DNM3: variants seen among roughly 807,000 people sequenced by gnomAD.
DNM3 encodes the protein dynamin-3.
DNM3 carries 47 observed loss-of-function variants against 101.6 expected under a neutral mutation model. The ratio of observed to expected loss-of-function variants is 0.46; its 90% CI spans 0.37 to 0.59. The LOEUF is 0.59. Ranked by LOEUF, DNM3 falls within the 20% of genes least tolerant of loss-of-function variation. The pLI is 0.00. For synonymous variants in DNM3, 385 were observed against 387.9 expected, an observed-to-expected ratio of 0.99 and a Z score of 0.09; for missense variants, 849 against 1,085.7, an observed-to-expected ratio of 0.78 and a Z score of 3.06.
At chr1:172,209,411 C>A (rs1204890350) in intron 14 of DNM3, among the ~76,000 whole-genome samples, 1 of 151,762 alleles carries the variant, frequency 6.6e-6, no homozygotes, top group Admixed American at 6.6e-5. Context: ...AATACAGGCA[C>A]CAAGGGTGAA....
intron 4 of DNM3, among the ~76,000 whole-genome samples, chr1:172,030,051 A>G (rs998175002): frequency 6.6e-6 from 1 of 152,208 alleles, no homozygotes; most frequent in Non-Finnish European, 1.5e-5. Context: ...AATTAGAAAA[A>G]ACTACTTTAA....
intron 20 of DNM3, among the ~76,000 whole-genome samples, chr1:172,394,714 C>T (rs1434887572): frequency 6.6e-6 from 1 of 152,150 alleles, no homozygotes; most frequent in African/African-American, 2.4e-5. Flanking sequence ...TAGAGGAAAA[C>T]AGCCAAGACA....
chr1:172,274,067 G>C (rs951737004), intron 15 of DNM3, among the ~76,000 whole-genome samples: 1 of 152,008 alleles, frequency 6.6e-6, no homozygotes, highest in African/African-American at 2.4e-5. Context: ...CCTACACACT[G>C]TCGTAAAGCA....
At chr1:172,323,218 ATT>A in intron 16 of DNM3, 109 bp from the exon 17 acceptor site, 2 of 1,204,088 alleles carry the variant, frequency 1.7e-6, no homozygotes, top group Non-Finnish European at 2.3e-6. Flanking sequence ...GAAAAACCTC[ATT>A]TTATTTTTTT....
chr1:172,276,442 A>G (rs923753450), intron 15 of DNM3, among the ~76,000 whole-genome samples: 1 of 151,990 alleles, frequency 6.6e-6, no homozygotes, highest in Non-Finnish European at 1.5e-5. Flanking sequence ...GAAATGCATT[A>G]TTAAGGATTA....
Position 172,029,591 on chromosome 1 carries a change from A to G in DNM3, c.590-2811A>G, listed in dbSNP as rs147071737. Among the ~76,000 whole-genome samples the G allele has an allele frequency of 2.0e-3, 306 of 152,328 alleles. 2 individuals carry two copies. Among genetic ancestry groups the G allele is most frequent in the African/African-American group, 6.8e-3 (281 of 41,580 alleles). On this transcript the variant is annotated intron_variant, in intron 4 of 20. Coordinates refer to ENST00000627582, the MANE Select transcript of DNM3 (RefSeq NM_015569.5). ...CAAGAGAAAGAAATAAAGCGTATTT[A>G]AATAGGAAGAGAGGAAGTGAAATTA...
chr1:172,111,632 A>G (rs772221334), intron 13 of DNM3, among the ~76,000 whole-genome samples: 6 of 152,220 alleles, frequency 3.9e-5, no homozygotes, highest in Non-Finnish European at 7.3e-5. Flanking sequence ...GCTTTGAACG[A>G]ATAAGCTGTA....
At position 172,379,129 on chromosome 1, in the gene DNM3, A is replaced by G; in HGVS notation, c.2005A>G (p.Lys669Glu). 1 of 1,611,752 alleles carries G rather than the reference A, an allele frequency of 6.2e-7. No individual in the cohort carries two copies. The highest frequency in any genetic ancestry group is 1.1e-5 in the South Asian group (1 of 90,812). The change falls in exon 18 of 21, where the codon AAA (lysine) becomes GAA (glutamate). Residue 669 changes from lysine (K) to glutamate (E), a missense_variant. Transcript: ENST00000627582. The stretch of plus-strand genomic sequence containing the variant: ...AGACTCCTACATGTCCATTATCAAC[A>G]AATGTATCCGAGATCTAATTCCAAA... ...LVDSYMSIIN[K>E]CIRDLIPKTI...
intron 3 of DNM3, 151 bp from the exon 4 acceptor site, chr1:171,988,794 C>T: frequency 3.3e-6 from 2 of 601,116 alleles, no homozygotes; most frequent in Non-Finnish European, 5.4e-6. Context: ...CTAGCAAAAC[C>T]ATTTTTATTT....
chr1:172,244,992 T>C (rs1156983248), intron 14 of DNM3, among the ~76,000 whole-genome samples: 1 of 152,250 alleles, frequency 6.6e-6, no homozygotes, highest in African/African-American at 2.4e-5. Flanking sequence ...CCTCTCATTA[T>C]TCTTTGATAC....
At chr1:172,236,353 A>T (rs1345478238) in intron 14 of DNM3, among the ~76,000 whole-genome samples, 1 of 152,160 alleles carries the variant, frequency 6.6e-6, no homozygotes, top group Admixed American at 6.6e-5. Context: ...ATACTTCAAG[A>T]ATTGAGACTT....
intron 14 of DNM3, among the ~76,000 whole-genome samples, chr1:172,222,362 C>T (rs1472099945): frequency 6.6e-6 from 1 of 152,130 alleles, no homozygotes; most frequent in Non-Finnish European, 1.5e-5. Context: ...TGCCTAATAT[C>T]AAAAATTACT....
intron 10 of DNM3, among the ~76,000 whole-genome samples, chr1:172,050,117 A>G (rs1223475689): frequency 2.6e-5 from 4 of 152,120 alleles, no homozygotes; most frequent in African/African-American, 4.8e-5. Context: ...AAAAAAATCA[A>G]TCTTTCTACC....
chr1:172,117,337 T>C (rs1412573248), intron 13 of DNM3, among the ~76,000 whole-genome samples: 1 of 152,128 alleles, frequency 6.6e-6, no homozygotes, highest in Admixed American at 6.5e-5. Context: ...TTTGACTGTG[T>C]CTCCATGCAA....
At chr1:172,379,908 T>C (rs1289631139) in intron 18 of DNM3, among the ~76,000 whole-genome samples, 1 of 152,046 alleles carries the variant, frequency 6.6e-6, no homozygotes, top group African/African-American at 2.4e-5. Flanking sequence ...GTCTTTTAGA[T>C]AAGATAGGTT....
intron 1 of DNM3, among the ~76,000 whole-genome samples, chr1:171,863,624 C>T (rs2034411688): frequency 1.3e-5 from 2 of 152,190 alleles, no homozygotes; most frequent in Non-Finnish European, 2.9e-5. Context: ...GAGTTTCCTT[C>T]ATGGTCTGCC....
chr1:171,974,866 C>CTTTTTT (rs202081677), intron 2 of DNM3, among the ~76,000 whole-genome samples: 3 of 149,494 alleles, frequency 2.0e-5, no homozygotes, highest in African/African-American at 7.4e-5. Context: ...TCTTCTTCTA[C>CTTTTTT]TGTTTTTTTT....
At chr1:172,343,231 A>G (rs2066770580) in intron 17 of DNM3, among the ~76,000 whole-genome samples, 1 of 152,216 alleles carries the variant, frequency 6.6e-6, no homozygotes, top group Admixed American at 6.5e-5. Flanking sequence ...TCCTAGCACC[A>G]GCAAGCAGGG....
intron 14 of DNM3, among the ~76,000 whole-genome samples, chr1:172,206,920 C>T (rs1440297113): frequency 1.3e-5 from 2 of 152,026 alleles, no homozygotes; most frequent in African/African-American, 4.8e-5. Flanking sequence ...GTCACTACTC[C>T]TCTGAGTTTC....
Sources: gnomAD v4.1 joint callset for allele counts (sites outside exome capture counted in the v4.1 genomes callset) on GRCh38, gnomAD v4.1.1 for gene constraint, MANE v1.5 for transcripts, NCBI Gene and HGNC (gene_info 2026-07-23, HGNC 2026-07-21) for gene names.